HTR4: variants seen among roughly 807,000 people sequenced by gnomAD.
The protein encoded by HTR4 is 5-hydroxytryptamine (serotonin) receptor 4, G protein-coupled.
Under a neutral mutation model 36.8 loss-of-function variants are expected in HTR4, and 16 were observed. That is an observed-to-expected ratio of 0.43 (90% CI 0.29 to 0.66). The LOEUF (loss-of-function observed/expected upper bound fraction) is 0.66, where lower values mean the gene tolerates loss of function less well. Among genes scored for constraint, HTR4 ranks in the 30% least tolerant of loss-of-function variants. The pLI, the probability that HTR4 is intolerant of heterozygous loss-of-function variation, is 0.13. For synonymous variants in HTR4, 189 were observed against 185.1 expected (o/e 1.02, Z -0.17); for missense variants, 438 against 490.9 (o/e 0.89, Z 1.02).
At chr5:148,621,364 A>G (rs1223979445) in intron 2 of HTR4, among the ~76,000 whole-genome samples, 1 of 152,168 alleles carries the variant, frequency 6.6e-6, no homozygotes, top group Non-Finnish European at 1.5e-5. Flanking sequence ...CTACTCTCTT[A>G]GCTGTCTTCT....
At chr5:148,614,130 C>T (rs1382455511) in intron 2 of HTR4, among the ~76,000 whole-genome samples, 9 of 152,112 alleles carry the variant, frequency 5.9e-5, no homozygotes, top group Non-Finnish European at 1.3e-4. Flanking sequence ...AGATTCAATG[C>T]CATCCCCATC....
chr5:148,618,042 G>T (rs552213627), intron 2 of HTR4, among the ~76,000 whole-genome samples: 1 of 152,000 alleles, frequency 6.6e-6, no homozygotes, highest in East Asian at 2.0e-4. Flanking sequence ...AACGTGAGGA[G>T]ATGGCCATCA....
chr5:148,548,976 A>G (rs1222009443), intron 3 of HTR4, 108 bp from the exon 4 acceptor site: 2 of 772,472 alleles, frequency 2.6e-6, no homozygotes, highest in East Asian at 5.3e-5. Context: ...CAAAGAAAGA[A>G]GAAAAGAAGG....
intron 2 of HTR4, among the ~76,000 whole-genome samples, chr5:148,625,581 GT>G (rs1235717779): frequency 1.3e-5 from 2 of 151,974 alleles, no homozygotes; most frequent in South Asian, 2.1e-4. Flanking sequence ...TTTGTTTGGG[GT>G]TTTTTTGTTT....
At position 148,538,354 on chromosome 5, in the gene HTR4, T is replaced by C. The variant is rs529972579; in HGVS notation, c.353+10314A>G. ...AAGAATGCCCTCCCTCTTCTAATAGTATTGGAAGTCCTAGCCAGAGCAATC... is the reference window on the plus strand; with the variant it reads ...AAGAATGCCCTCCCTCTTCTAATAGCATTGGAAGTCCTAGCCAGAGCAATC... On this transcript the variant is annotated intron_variant, in intron 4 of 6. Coordinates refer to ENST00000377888, the MANE Select transcript of HTR4 (RefSeq NM_000870.7). Among the ~76,000 whole-genome samples the C allele has an allele frequency of 3.3e-5, 5 of 152,022 alleles. No individual in the cohort carries two copies. The East Asian group carries it at 9.7e-4, about 29-fold the overall frequency.
intron 5 of HTR4, among the ~76,000 whole-genome samples, chr5:148,469,486 GA>G (rs992883227): frequency 2.6e-5 from 4 of 152,134 alleles, no homozygotes; most frequent in African/African-American, 9.7e-5. Flanking sequence ...CTCCTCACCT[GA>G]ACATTTCCCC....
intron 2 of HTR4, among the ~76,000 whole-genome samples, chr5:148,564,622 A>C (rs1272610514): frequency 1.3e-5 from 2 of 152,170 alleles, no homozygotes; most frequent in African/African-American, 4.8e-5. Flanking sequence ...CCACTCCCCC[A>C]GACAAGTGCA....
chr5:148,537,099 C>A (rs576843325), intron 4 of HTR4, among the ~76,000 whole-genome samples: 25 of 152,214 alleles, frequency 1.6e-4, no homozygotes, highest in African/African-American at 5.3e-4. Context: ...CAAAGTCATG[C>A]AATTACATGG....
At chr5:148,479,256 C>T (rs544090499), downstream of HTR4, among the ~76,000 whole-genome samples, 10 of 151,924 alleles carry the variant, frequency 6.6e-5, no homozygotes, top group South Asian at 4.2e-4. Context: ...TCTAGGGGCC[C>T]GGGGCTACTA....
intron 6 of HTR4, among the ~76,000 whole-genome samples, chr5:148,496,015 G>A (rs1453163335): frequency 2.0e-5 from 3 of 152,232 alleles, no homozygotes; most frequent in Admixed American, 6.5e-5. Flanking sequence ...CAAGGGAATC[G>A]CTTGAACTCA....
chr5:148,451,385 A>G, intron 5 of HTR4: 2 of 1,552,202 alleles, frequency 1.3e-6, no homozygotes, highest in South Asian at 2.4e-5. Flanking sequence ...TTCTGAGGGT[A>G]TGGTGAAGTG....
At chr5:148,458,454 G>C (rs1200217414) in intron 5 of HTR4, among the ~76,000 whole-genome samples, 1 of 152,106 alleles carries the variant, frequency 6.6e-6, no homozygotes, top group East Asian at 1.9e-4. Flanking sequence ...TAGCAGTGTA[G>C]TGTGAGAGAC....
In HTR4 at chr5:148,654,276, C is replaced by G. The variant is rs1252508517; in HGVS notation, c.-262G>C. On this transcript the variant is annotated 5_prime_UTR_variant, in exon 1 of 7. Transcript: ENST00000377888. The stretch of plus-strand genomic sequence containing the variant: ...GGGGCTGCGGGCGCAGGACCCCAGC[C>G]CCGGATCACCTGGGCTCGCCGCGCA... 2.0e-6 allele frequency: 2 copies of G among 985,268 alleles called. No individual in the cohort carries two copies. Among genetic ancestry groups the G allele is most frequent in the Non-Finnish European group, 2.4e-6 (2 of 829,880 alleles). 61.0% of individuals were successfully genotyped at this position (985,268 alleles called of 1,614,324 possible).
chr5:148,586,603 C>A (rs934188138), intron 2 of HTR4, among the ~76,000 whole-genome samples: 1 of 152,112 alleles, frequency 6.6e-6, no homozygotes, highest in Admixed American at 6.5e-5. Flanking sequence ...GATCGCATCA[C>A]CTCCCATCAG....
At chr5:148,556,623 T>A (rs926858372) in intron 2 of HTR4, among the ~76,000 whole-genome samples, 2 of 152,224 alleles carry the variant, frequency 1.3e-5, no homozygotes, top group Admixed American at 6.5e-5. Context: ...CAGTTTGTGA[T>A]CAGTTCTTCC....
intron 2 of HTR4, among the ~76,000 whole-genome samples, chr5:148,587,966 A>G (rs764302537): frequency 9.8e-5 from 15 of 152,298 alleles, no homozygotes; most frequent in Middle Eastern, 3.4e-3. Flanking sequence ...CTGCCTCAGC[A>G]TGGGGATAAC....
chr5:148,558,400 C>T (rs994732274), intron 2 of HTR4, among the ~76,000 whole-genome samples: 2 of 152,122 alleles, frequency 1.3e-5, no homozygotes, highest in African/African-American at 4.8e-5. Context: ...TCTGAACTCC[C>T]TTTTCTTAGA....
At chr5:148,473,240 T>C (rs1407656700), downstream of HTR4, among the ~76,000 whole-genome samples, 1 of 145,940 alleles carries the variant, frequency 6.9e-6, no homozygotes, top group Admixed American at 7.1e-5. Flanking sequence ...AGAGGTTGCA[T>C]GCAGTGAGCC....
intron 5 of HTR4, among the ~76,000 whole-genome samples, chr5:148,460,712 G>A (rs1411286429): frequency 6.6e-6 from 1 of 152,102 alleles, no homozygotes; most frequent in African/African-American, 2.4e-5. Context: ...AAAAGGAAGA[G>A]CATCAGAGAA....
Sources: allele counts gnomAD v4.1 joint callset (sites outside exome capture counted in the v4.1 genomes callset), GRCh38; gene constraint gnomAD v4.1.1; transcripts MANE v1.5; gene names NCBI Gene and HGNC (gene_info 2026-07-23, HGNC 2026-07-21).